Variants in SEC24A observed in about 807,000 individuals in gnomAD.
SEC24A encodes SEC24 homolog A, COPII component.
Under a neutral mutation model 129.4 loss-of-function variants are expected in SEC24A, and 93 were observed. The ratio of observed to expected loss-of-function variants is 0.72; its 90% confidence interval spans 0.61 to 0.85. The LOEUF is 0.85. Ranked by LOEUF, SEC24A falls within the 40% of genes least tolerant of loss-of-function variation. The pLI is 0.00. For missense variants in SEC24A, 1,264 were observed against 1,307.4 expected (o/e 0.97, Z 0.51); for synonymous variants, 460 against 467.3 (o/e 0.98, Z 0.20).
chr5:134,679,775 T>G, intron 8 of SEC24A, 47 bp downstream of exon 8: 1 of 1,455,142 alleles, frequency 6.9e-7, no homozygotes, highest in Non-Finnish European at 9.3e-7. Flanking sequence ...ACTTGCATTG[T>G]AGGGAAATCA....
chr5:134,720,985 T>A lies in SEC24A; in HGVS notation c.2971-13T>A. 1.3e-6 allele frequency: 2 copies of A among 1,527,362 alleles called. No individual in the cohort carries two copies. Among genetic ancestry groups the A allele is most frequent in the Non-Finnish European group, 1.8e-6 (2 of 1,102,016 alleles). 94.6% of individuals were successfully genotyped at this position (1,527,362 alleles called of 1,614,324 possible). A position where few individuals can be genotyped will look rare whatever the true frequency, so the allele number is the denominator to read the frequency against. The stretch of plus-strand genomic sequence containing the variant: ...TATGCTGCATCTCAAAATAATTTTA[T>A]TCCTGTCCCTAGGTACTGATGCTTT... On this transcript the variant is annotated splice_polypyrimidine_tract_variant and intron_variant, in intron 20 of 22. Transcript: ENST00000398844.
chr5:134,701,585 A>G (rs1288101847), intron 15 of SEC24A, among the ~76,000 whole-genome samples: 1 of 150,872 alleles, frequency 6.6e-6, no homozygotes, highest in East Asian at 1.9e-4. Context: ...GTCTCGGCTC[A>G]CTGCAACCTT....
intron 11 of SEC24A, among the ~76,000 whole-genome samples, chr5:134,691,860 C>T (rs1751667424): frequency 2.0e-5 from 3 of 150,866 alleles, no homozygotes; most frequent in Non-Finnish European, 4.4e-5. Context: ...CTTATGAAGA[C>T]AGCATTCTTG....
intron 17 of SEC24A, among the ~76,000 whole-genome samples, chr5:134,708,496 A>G (rs1295875776): frequency 6.6e-6 from 1 of 152,214 alleles, no homozygotes; most frequent in Non-Finnish European, 1.5e-5. Flanking sequence ...TTGCCAAATC[A>G]TTATACAGCT....
At chr5:134,706,975 C>T (rs188331140) in intron 17 of SEC24A, among the ~76,000 whole-genome samples, 43 of 152,234 alleles carry the variant, frequency 2.8e-4, no homozygotes, top group Admixed American at 2.7e-3. Context: ...AGGCATGAGC[C>T]ACCACGCCTG....
chr5:134,678,783 C>T (rs1032809805), intron 7 of SEC24A, among the ~76,000 whole-genome samples: 2 of 152,252 alleles, frequency 1.3e-5, no homozygotes, highest in South Asian at 2.1e-4. Context: ...GGTTTCACCA[C>T]GTTGGCCAGG....
intron 1 of SEC24A, among the ~76,000 whole-genome samples, chr5:134,659,033 A>G (rs1750346876): frequency 6.7e-6 from 1 of 149,998 alleles, no homozygotes; most frequent in African/African-American, 2.4e-5. Context: ...CTTCACAATC[A>G]CTGACCCATT....
chr5:134,690,290 G>A (rs1381833473), intron 11 of SEC24A, among the ~76,000 whole-genome samples: 2 of 152,170 alleles, frequency 1.3e-5, no homozygotes, highest in African/African-American at 2.4e-5. Context: ...AAAGTGCTGG[G>A]ATTACAGGTG....
chr5:134,712,926 A>T (rs1200203472), intron 18 of SEC24A, among the ~76,000 whole-genome samples: 23 of 102,716 alleles, frequency 2.2e-4, no homozygotes, highest in Non-Finnish European at 2.9e-4. Flanking sequence ...AAATATTTAA[A>T]TTTTTTTTTT....
chr5:134,699,327 C>G (rs1282215291), intron 15 of SEC24A, among the ~76,000 whole-genome samples: 1 of 138,814 alleles, frequency 7.2e-6, no homozygotes, highest in Non-Finnish European at 1.5e-5. Flanking sequence ...GACGGACTGT[C>G]TCGCTCTGTC....
intron 10 of SEC24A, among the ~76,000 whole-genome samples, chr5:134,687,734 C>G (rs938146633): frequency 5.3e-4 from 80 of 152,152 alleles, no homozygotes; most frequent in African/African-American, 1.9e-3. Context: ...TGTTCTTCCC[C>G]TTATATAATT....
chr5:134,683,559 G>T (rs1751347348), intron 9 of SEC24A, among the ~76,000 whole-genome samples: 1 of 152,084 alleles, frequency 6.6e-6, no homozygotes, highest in Admixed American at 6.6e-5. Flanking sequence ...TGTTGCTGAA[G>T]CTAAAGTGCA....
rs1186398504 is a variant in SEC24A at position 134,676,011 on chromosome 5, A to G, written c.1152-12A>G. 6.4e-7 allele frequency: 1 copy of G among 1,569,278 alleles called. No homozygotes were observed. The highest frequency in any genetic ancestry group is 2.0e-5 in the Admixed American group (1 of 50,696). ...TAGCAGCAACTGATACATACTTTTT[A>G]CTTTGATATAGGTTATTTCGATGCA... On this transcript the variant is annotated splice_polypyrimidine_tract_variant and intron_variant, in intron 6 of 22. Coordinates refer to ENST00000398844, the MANE Select transcript of SEC24A (RefSeq NM_021982.3).
rs1750677239 is a variant in SEC24A, at chr5:134,666,830, T to C, written c.573T>C (p.Ser191=). The C allele has an allele frequency of 1.2e-6, 2 of 1,614,120 alleles. No individual in the cohort carries two copies. Among genetic ancestry groups the C allele is most frequent in the Non-Finnish European group, 1.7e-6 (2 of 1,179,990 alleles). The stretch of plus-strand genomic sequence containing the variant: ...AAACCAATGTTTCCATAGGTCCTTC[T>C]GTACCTCCCTTAGTGAATCCACCTC... The part of the protein sequence containing the change: ...LQNSFIKSGP[S]VPPLVNPPLP... Residue 191 remains serine (S), a synonymous_variant, in exon 3 of 23, where the codon TCT becomes TCC. Transcript: ENST00000398844.
chr5:134,718,007 G>GT, intron 19 of SEC24A, 62 bp from the exon 20 acceptor site: 1 of 1,273,080 alleles, frequency 7.9e-7, no homozygotes. Context: ...TTTTGTTGTT[G>GT]TTTAACTGTG....
intron 15 of SEC24A, among the ~76,000 whole-genome samples, chr5:134,702,638 C>A (rs1752036995): frequency 6.6e-6 from 1 of 152,062 alleles, no homozygotes; most frequent in Admixed American, 6.6e-5. Context: ...TATTTTTATT[C>A]AATAAACCTT....
Position 134,648,827 on chromosome 5 carries a change from C to T in SEC24A, c.-250C>T, listed in dbSNP as rs1749944473. 3 of 357,928 alleles carry T rather than the reference C, an allele frequency of 8.4e-6. No homozygotes were observed. Among genetic ancestry groups the T allele is most frequent in the East Asian group, 4.5e-5 (1 of 22,344 alleles). The allele number at this position is 357,928 out of a possible 1,614,324, so 22.2% of individuals were successfully genotyped here. ...CCCTCCTTCTCTCTAGGTTTGGCTG[C>T]CGCCTTCTAGCCGGGCGTTCGCGGC... On this transcript the variant is annotated 5_prime_UTR_variant, in exon 1 of 23. Coordinates refer to ENST00000398844, the MANE Select transcript of SEC24A (RefSeq NM_021982.3).
chr5:134,717,999 T>C, intron 19 of SEC24A, 70 bp from the exon 20 acceptor site: 8 of 1,109,382 alleles, frequency 7.2e-6, no homozygotes, highest in Non-Finnish European at 1.1e-5. Context: ...ATTTAATTTT[T>C]TGTTGTTGTT....
intron 1 of SEC24A, among the ~76,000 whole-genome samples, chr5:134,652,113 G>T (rs368982139): frequency 6.6e-6 from 1 of 151,298 alleles, no homozygotes; most frequent in African/African-American, 2.4e-5. Context: ...GTAGAGACAG[G>T]GTTTCATCAC....
Sources: gnomAD v4.1 joint callset for allele counts (sites outside exome capture counted in the v4.1 genomes callset) on GRCh38, gnomAD v4.1.1 for gene constraint, MANE v1.5 for transcripts, NCBI Gene and HGNC (gene_info 2026-07-23, HGNC 2026-07-21) for gene names.